The following TXNDC11 variants were observed in gnomAD, a reference collection of about 807,000 sequenced individuals.
TXNDC11 encodes thioredoxin domain containing 11, also known as thioredoxin domain-containing protein 11.
A neutral mutation model predicts 78.0 loss-of-function variants in TXNDC11; 68 were observed. That is an observed-to-expected ratio of 0.87 (90% CI 0.72 to 1.07). The LOEUF is 1.07. Ranked by LOEUF, TXNDC11 falls within the 50% of genes least tolerant of loss-of-function variation. The pLI is 0.00. For missense variants in TXNDC11, 1,389 were observed against 1,221.8 expected, an observed-to-expected ratio of 1.14 and a Z score of -2.04; for synonymous variants, 571 against 495.2, an observed-to-expected ratio of 1.15 and a Z score of -2.03.
intron 4 of TXNDC11, among the ~76,000 whole-genome samples, chr16:11,723,877 A>C (rs2051793469): frequency 6.6e-6 from 1 of 152,266 alleles, no homozygotes; most frequent in South Asian, 2.1e-4. Context: ...AAGTGTTCTT[A>C]AATGGATACA....
At chr16:11,727,029 G>A (rs978965491) in intron 4 of TXNDC11, among the ~76,000 whole-genome samples, 6 of 152,096 alleles carry the variant, frequency 3.9e-5, no homozygotes, top group Non-Finnish European at 7.4e-5. Context: ...CTCCAGCCTG[G>A]GAGACAGAGC....
chr16:11,698,524 T>G (rs773480442), intron 6 of TXNDC11, among the ~76,000 whole-genome samples, 199 bp from the exon 7 acceptor site: 1 of 152,264 alleles, frequency 6.6e-6, no homozygotes, highest in African/African-American at 2.4e-5. Flanking sequence ...ACAAAAGTGG[T>G]TGCAGGAGGT....
chr16:11,738,629 T>TAGCC (rs537224355), intron 1 of TXNDC11, among the ~76,000 whole-genome samples: 247 of 146,012 alleles, frequency 1.7e-3, no homozygotes, highest in African/African-American at 6.1e-3. Context: ...GACAAGAAGA[T>TAGCC]AGCCACCTAA....
chr16:11,709,458 G>C (rs1217403977), intron 5 of TXNDC11, among the ~76,000 whole-genome samples: 1 of 114,712 alleles, frequency 8.7e-6, no homozygotes, highest in Non-Finnish European at 1.7e-5. Context: ...TTTTTGAGAC[G>C]GAGTCTCGCT....
chr16:11,691,947 G>C lies in TXNDC11; in HGVS notation c.1243C>G (p.Pro415Ala), dbSNP rs1215353082. 1.9e-6 allele frequency: 3 copies of C among 1,611,438 alleles called. No individual in the cohort carries two copies. The highest frequency in any genetic ancestry group is 4.5e-5 in the East Asian group (2 of 44,820). The change falls in exon 8 of 12, where the codon CCG becomes GCG. Residue 415 changes from proline to alanine, a missense_variant. Transcript: ENST00000283033. The stretch of plus-strand genomic sequence containing the variant: ...CAGGGGGACGCTGTGATCGTTGGCG[G>C]GTCTGGCAGCTGTGCCGGCACTTCC... ...ALEVPAQLPD[P>A]PTITASPCCN...
At chr16:11,692,822 T>G (rs1234644874) in intron 7 of TXNDC11, among the ~76,000 whole-genome samples, 2 of 152,264 alleles carry the variant, frequency 1.3e-5, no homozygotes, top group East Asian at 3.9e-4. Flanking sequence ...CTGGCCCGTT[T>G]GGCTTTCCAG....
At chr16:11,733,058 G>A (rs1023032990) in intron 3 of TXNDC11, among the ~76,000 whole-genome samples, 2 of 152,062 alleles carry the variant, frequency 1.3e-5, no homozygotes, top group Non-Finnish European at 2.9e-5. Context: ...CCTAGGTCGA[G>A]ACCAGCCTGG....
At chr16:11,730,319 T>C (rs768366369) in intron 4 of TXNDC11, among the ~76,000 whole-genome samples, 4 of 152,170 alleles carry the variant, frequency 2.6e-5, no homozygotes, top group Non-Finnish European at 5.9e-5. Flanking sequence ...TGTCAAGTAA[T>C]ATTCTTAGAA....
At chr16:11,714,356 T>G (rs1051659833) in intron 5 of TXNDC11, among the ~76,000 whole-genome samples, 1 of 152,102 alleles carries the variant, frequency 6.6e-6, no homozygotes, top group Non-Finnish European at 1.5e-5. Flanking sequence ...AATCTCACCA[T>G]CTGGCCGCGC....
chr16:11,726,049 T>C (rs1405220114), intron 4 of TXNDC11, among the ~76,000 whole-genome samples: 1 of 152,116 alleles, frequency 6.6e-6, no homozygotes, highest in Non-Finnish European at 1.5e-5. Flanking sequence ...GGCTAATTTT[T>C]AACATTTTGT....
chr16:11,724,906 C>A (rs772358262), intron 4 of TXNDC11, among the ~76,000 whole-genome samples: 1 of 152,058 alleles, frequency 6.6e-6, no homozygotes, highest in Non-Finnish European at 1.5e-5. Flanking sequence ...CCACCACATC[C>A]GGCTAATTTT....
intron 7 of TXNDC11, among the ~76,000 whole-genome samples, chr16:11,696,210 CAT>C (rs2050855823): frequency 6.6e-6 from 1 of 152,102 alleles, no homozygotes; most frequent in South Asian, 2.1e-4. Context: ...TCCCGTCCCT[CAT>C]GTCTCTGCTC....
At chr16:11,717,544 G>A (rs1218948761) in intron 5 of TXNDC11, among the ~76,000 whole-genome samples, 1 of 150,566 alleles carries the variant, frequency 6.6e-6, no homozygotes, top group African/African-American at 2.4e-5. Flanking sequence ...AACACAGGCT[G>A]GGCGCAGTGG....
chr16:11,700,785 C>T (rs1330635491), intron 5 of TXNDC11, among the ~76,000 whole-genome samples: 6 of 152,188 alleles, frequency 3.9e-5, no homozygotes, highest in Admixed American at 2.6e-4. Context: ...CTCTGACTAA[C>T]GTCTCTGACA....
rs555210816 is a variant in TXNDC11 at position 11,742,839 on chromosome 16, G to A, written c.-109C>T. 2 of 1,346,450 alleles carry A rather than the reference G, an allele frequency of 1.5e-6. No individual in the cohort carries two copies. Among genetic ancestry groups the A allele is most frequent in the Admixed American group, 3.4e-5 (1 of 29,516 alleles). 83.4% of individuals were successfully genotyped at this position (1,346,450 alleles called of 1,614,324 possible). On this transcript the variant is annotated 5_prime_UTR_variant, in exon 1 of 12. Coordinates refer to ENST00000283033, the MANE Select transcript of TXNDC11 (RefSeq NM_015914.7). Reference sequence around the variant, plus strand: ...GCAGCTCGCCGCACCCGCTAACCCGGACGCTCCACGTCAGCCGCGCCGCCG... The same window carrying A: ...GCAGCTCGCCGCACCCGCTAACCCGAACGCTCCACGTCAGCCGCGCCGCCG...
chr16:11,694,868 T>A (rs1460183273), intron 7 of TXNDC11, among the ~76,000 whole-genome samples: 1 of 152,270 alleles, frequency 6.6e-6, no homozygotes, highest in Admixed American at 6.5e-5. Context: ...TCACATTCTG[T>A]GTATCACTTG....
intron 4 of TXNDC11, among the ~76,000 whole-genome samples, chr16:11,723,542 G>A (rs2051777846): frequency 6.6e-6 from 1 of 151,884 alleles, no homozygotes; most frequent in African/African-American, 2.4e-5. Flanking sequence ...CCAAGATCGT[G>A]CCACTGCATT....
rs2050723495 is a variant in TXNDC11 at position 11,691,759 on chromosome 16, G to A, written c.1431C>T (p.Leu477=). ...CCACATGATAAAAGGTCTGCTCCTT[G>A]AGGTAGAAAGAATCCAGAGCTGCTG... is the stretch of plus-strand genomic sequence containing the variant. ...EMAAALDSFY[L]KEQTFYHVAS... is the part of the protein sequence containing the mutation. Residue 477 remains leucine, a synonymous_variant, in exon 8 of 12, where the codon CTC becomes CTT. Transcript: ENST00000283033. 1 of 1,614,114 alleles carries A rather than the reference G, an allele frequency of 6.2e-7. No individual in the cohort carries two copies. Among genetic ancestry groups the A allele is most frequent in the African/African-American group, 1.3e-5 (1 of 74,952 alleles).
At chr16:11,691,159 TA>T in intron 8 of TXNDC11, 130 bp downstream of exon 8, 1 of 742,466 alleles carries the variant, frequency 1.3e-6, no homozygotes, top group Non-Finnish European at 2.2e-6. Context: ...GATGGTGGTC[TA>T]AAGACTTAAA....
Sources: allele counts gnomAD v4.1 joint callset (sites outside exome capture counted in the v4.1 genomes callset), GRCh38; gene constraint gnomAD v4.1.1; transcripts MANE v1.5; gene names NCBI Gene and HGNC (gene_info 2026-07-23, HGNC 2026-07-21).